The following ZNF618 variants were observed in gnomAD, a reference collection of about 807,000 sequenced individuals.
The protein encoded by ZNF618 is zinc finger protein 618, also known as neural precursor cell expressed, developmentally down-regulated 10.
ZNF618 carries 34 observed loss-of-function variants against 103.0 expected under a neutral mutation model. The ratio of observed to expected loss-of-function variants is 0.33; its 90% CI spans 0.25 to 0.44. The LOEUF (loss-of-function observed/expected upper bound fraction) is 0.44. ZNF618 is among the 20% of genes least tolerant of loss of function. The pLI is 1.00. For missense variants in ZNF618, 1,059 were observed against 1,295.4 expected (o/e 0.82, Z 2.80); for synonymous variants, 551 against 542.2 (o/e 1.02, Z -0.23).
intron 1 of ZNF618, among the ~76,000 whole-genome samples, chr9:113,965,555 C>A (rs192169261): frequency 6.6e-6 from 1 of 152,238 alleles, no homozygotes; most frequent in Non-Finnish European, 1.5e-5. Context: ...GAAGGAGGAT[C>A]TCACTGGGGT....
chr9:113,912,348 A>T (rs1831631641), intron 1 of ZNF618, among the ~76,000 whole-genome samples: 1 of 152,110 alleles, frequency 6.6e-6, no homozygotes, highest in Admixed American at 6.5e-5. Context: ...GATTTCAGCA[A>T]CTCAGGCCTG....
intron 7 of ZNF618, 62 bp from the exon 8 acceptor site, chr9:114,008,282 G>A (rs1334779253): frequency 4.4e-6 from 7 of 1,603,622 alleles, no homozygotes; most frequent in Non-Finnish European, 5.1e-6. Context: ...TCTGGGCAGG[G>A]ACTAACAGGG....
chr9:113,989,639 A>C (rs889422814), intron 3 of ZNF618, among the ~76,000 whole-genome samples: 3 of 152,204 alleles, frequency 2.0e-5, no homozygotes, highest in Non-Finnish European at 4.4e-5. Context: ...TTCCTGGTCC[A>C]GCTCTGGCTC....
At chr9:113,944,598 C>T (rs1834841714) in intron 1 of ZNF618, among the ~76,000 whole-genome samples, 1 of 152,122 alleles carries the variant, frequency 6.6e-6, no homozygotes. Flanking sequence ...TTCTTAAATA[C>T]ATAACACAGA....
intron 4 of ZNF618, among the ~76,000 whole-genome samples, chr9:114,000,746 G>T (rs751570930): frequency 6.6e-5 from 10 of 152,146 alleles, no homozygotes; most frequent in Non-Finnish European, 1.3e-4. Context: ...CTGCACGGAG[G>T]GGCTGGTCTT....
At chr9:113,977,116 A>C (rs1838550765) in intron 2 of ZNF618, among the ~76,000 whole-genome samples, 1 of 152,170 alleles carries the variant, frequency 6.6e-6, no homozygotes, top group Admixed American at 6.5e-5. Flanking sequence ...TCACGCCCCT[A>C]GTGCTAGAGA....
chr9:113,877,535 T>G (rs1342569614), intron 1 of ZNF618, among the ~76,000 whole-genome samples: 1 of 152,114 alleles, frequency 6.6e-6, no homozygotes, highest in Non-Finnish European at 1.5e-5. Context: ...GTTTTTTTTT[T>G]TTAATTTTGC....
Position 114,036,284 on chromosome 9 carries a change from G to A in ZNF618, c.1169-16G>A, listed in dbSNP as rs1306847470. 5.8e-6 allele frequency: 9 copies of A among 1,560,734 alleles called. No homozygotes were observed. Among genetic ancestry groups the A allele is most frequent in the Middle Eastern group, 1.7e-4 (1 of 6,020 alleles). On this transcript the variant is annotated splice_polypyrimidine_tract_variant and intron_variant, in intron 12 of 14. Coordinates refer to ENST00000374126, the MANE Select transcript of ZNF618 (RefSeq NM_001318042.2). Reference sequence around the variant, plus strand: ...CGGTTCCACCCCTCACGTGGCTGCCGCATTTCTCCCTCCAGAACCCTACAC... The same window carrying A: ...CGGTTCCACCCCTCACGTGGCTGCCACATTTCTCCCTCCAGAACCCTACAC...
chr9:113,994,655 C>T (rs540983097), intron 3 of ZNF618, among the ~76,000 whole-genome samples: 4 of 152,210 alleles, frequency 2.6e-5, no homozygotes, highest in East Asian at 1.9e-4. Flanking sequence ...GGCAGAGTGA[C>T]GTAATAGGTA....
intron 2 of ZNF618, among the ~76,000 whole-genome samples, chr9:113,981,100 C>T (rs1039395831): frequency 6.6e-6 from 1 of 152,162 alleles, no homozygotes; most frequent in Non-Finnish European, 1.5e-5. Context: ...TGCATGCATG[C>T]ATTCATGGAG....
chr9:113,879,037 A>AT (rs1191779018), intron 1 of ZNF618, among the ~76,000 whole-genome samples: 22 of 151,674 alleles, frequency 1.5e-4, no homozygotes, highest in Middle Eastern at 3.4e-3. Context: ...AATTAAAAAA[A>AT]TTTTTTTCTG....
At chr9:114,032,127 G>T (rs2134244467) in intron 11 of ZNF618, among the ~76,000 whole-genome samples, 1 of 152,308 alleles carries the variant, frequency 6.6e-6, no homozygotes, top group Non-Finnish European at 1.5e-5. Flanking sequence ...GGGGTGTGGG[G>T]CTACCCCTGC....
At chr9:113,947,025 G>C (rs1480571158) in intron 1 of ZNF618, among the ~76,000 whole-genome samples, 1 of 152,198 alleles carries the variant, frequency 6.6e-6, no homozygotes, top group Non-Finnish European at 1.5e-5. Context: ...GACACAGACA[G>C]CATCTCCCCT....
At chr9:113,936,269 G>C (rs1834026168) in intron 1 of ZNF618, among the ~76,000 whole-genome samples, 1 of 152,176 alleles carries the variant, frequency 6.6e-6, no homozygotes, top group Non-Finnish European at 1.5e-5. Flanking sequence ...CTCACTCCCA[G>C]AATCTGAGCC....
chr9:113,891,885 A>C (rs1471641956), intron 1 of ZNF618, among the ~76,000 whole-genome samples: 1 of 152,200 alleles, frequency 6.6e-6, no homozygotes, highest in African/African-American at 2.4e-5. Context: ...ATATGATAGA[A>C]TATTCAGCCT....
Position 114,049,246 on chromosome 9 carries a change from G to A in ZNF618, c.1944G>A (p.Leu648=), listed in dbSNP as rs1845926710. ...CALNSVVQSV[L]SKRTLQARSM... Reference sequence around the variant, plus strand: ...TGAACTCGGTGGTGCAGAGCGTGCTGAGCAAGCGGACACTGCAGGCCCGCA... The same window carrying A: ...TGAACTCGGTGGTGCAGAGCGTGCTAAGCAAGCGGACACTGCAGGCCCGCA... Residue 648 remains leucine, a synonymous_variant, in exon 15 of 15, where the codon CTG becomes CTA. Transcript: ENST00000374126. 6.2e-7 allele frequency: 1 copy of A among 1,613,018 alleles called. No individual in the cohort carries two copies. The highest frequency in any genetic ancestry group is 8.5e-7 in the Non-Finnish European group (1 of 1,179,686).
intron 3 of ZNF618, among the ~76,000 whole-genome samples, chr9:113,997,378 AGATTCACCGCGCACAG>A (rs1840722121): frequency 6.6e-6 from 1 of 152,080 alleles, no homozygotes; most frequent in African/African-American, 2.4e-5. Context: ...CAAAATGCTG[AGATTCACCGCGCACAG>A]CCCACAAGCA....
chr9:113,876,353 C>A lies in ZNF618; in HGVS notation c.-28C>A. On this transcript the variant is annotated 5_prime_UTR_variant, in exon 1 of 15. Transcript: ENST00000374126. Reference sequence around the variant, plus strand: ...CCCGGCCCGGGAGGAGCAGGACGCGCCGGGGCCGCCTCCTCCCGCACGGAC... The same window carrying A: ...CCCGGCCCGGGAGGAGCAGGACGCGACGGGGCCGCCTCCTCCCGCACGGAC... 8.4e-7 allele frequency: 1 copy of A among 1,186,476 alleles called. No individual in the cohort carries two copies. The highest frequency in any genetic ancestry group is 1.0e-6 in the Non-Finnish European group (1 of 962,386). 73.5% of individuals were successfully genotyped at this position (1,186,476 alleles called of 1,614,324 possible). A position where few individuals can be genotyped will look rare whatever the true frequency, so the allele number is the denominator to read the frequency against.
chr9:114,004,631 C>T lies in ZNF618; in HGVS notation c.550+1969C>T, dbSNP rs572360404. 1.8e-4 allele frequency among the ~76,000 whole-genome samples: 27 copies of T among 152,254 alleles called. 1 individual carries two copies. The East Asian group carries it at 5.0e-3, about 28-fold the overall frequency. ...TCCTCCCTGTGGAGTTTCCTCCCTG[C>T]GGCCATTGCGCGCTATTTTATTCTC... is the stretch of plus-strand genomic sequence containing the variant. On this transcript the variant is annotated intron_variant, in intron 6 of 14. Transcript: ENST00000374126.
Sources: gnomAD v4.1 joint callset for allele counts (sites outside exome capture counted in the v4.1 genomes callset) on GRCh38, gnomAD v4.1.1 for gene constraint, MANE v1.5 for transcripts, NCBI Gene and HGNC (gene_info 2026-07-23, HGNC 2026-07-21) for gene names.